Variants in WASF2 observed in about 807,000 individuals in gnomAD.
WASF2 encodes WASP family member 2.
WASF2 carries 14 observed loss-of-function variants against 45.0 expected under a neutral mutation model. The observed-to-expected ratio is 0.31, with a 90% confidence interval of 0.21 to 0.49. The LOEUF is 0.49. Among genes scored for constraint, WASF2 ranks in the 20% least tolerant of loss-of-function variants. WASF2 has a pLI of 0.99. For missense variants in WASF2, 439 were observed against 636.1 expected (o/e 0.69, Z 3.33); for synonymous variants, 200 against 236.3 (o/e 0.85, Z 1.41).
intron 1 of WASF2, among the ~76,000 whole-genome samples, chr1:27,489,217 TCTC>T (rs1216489260): frequency 2.0e-5 from 3 of 150,298 alleles, no homozygotes; most frequent in Non-Finnish European, 4.4e-5. Context: ...TTTAGACAAC[TCTC>T]CTCCTTACTC....
chr1:27,474,686 C>T (rs2017740789), intron 1 of WASF2, among the ~76,000 whole-genome samples: 2 of 151,612 alleles, frequency 1.3e-5, no homozygotes. Flanking sequence ...AGGAGAATCG[C>T]GCCTAAACCC....
chr1:27,435,009 C>T (rs1459213694), intron 1 of WASF2, among the ~76,000 whole-genome samples: 1 of 152,030 alleles, frequency 6.6e-6, no homozygotes, highest in East Asian at 1.9e-4. Context: ...TACAATGGCA[C>T]AATCTCGGCT....
chr1:27,409,341 C>T (rs1010838103), intron 8 of WASF2, among the ~76,000 whole-genome samples: 2 of 137,844 alleles, frequency 1.5e-5, no homozygotes, highest in Non-Finnish European at 3.1e-5. Flanking sequence ...AGGAGAATGG[C>T]GTGAACCCGG....
At chr1:27,454,595 C>T (rs1019640481) in intron 1 of WASF2, among the ~76,000 whole-genome samples, 1 of 152,138 alleles carries the variant, frequency 6.6e-6, no homozygotes, top group African/African-American at 2.4e-5. Context: ...GCCTTGGCCT[C>T]CCAAAAGGCT....
At chr1:27,439,845 TAA>T (rs1293866714) in intron 1 of WASF2, among the ~76,000 whole-genome samples, 1 of 151,672 alleles carries the variant, frequency 6.6e-6, no homozygotes, top group Non-Finnish European at 1.5e-5. Context: ...CAAAAAAAAT[TAA>T]AAGTTAGCCA....
At chr1:27,486,285 C>G (rs1224367685) in intron 1 of WASF2, among the ~76,000 whole-genome samples, 1 of 152,044 alleles carries the variant, frequency 6.6e-6, no homozygotes, top group Non-Finnish European at 1.5e-5. Flanking sequence ...TTCTAAAACC[C>G]CAAAATCCAA....
intron 1 of WASF2, among the ~76,000 whole-genome samples, chr1:27,465,893 A>G (rs2017606081): frequency 6.6e-6 from 1 of 152,238 alleles, no homozygotes; most frequent in African/African-American, 2.4e-5. Context: ...AGCAAGGAAC[A>G]CTATCAAAGA....
chr1:27,425,614 G>A (rs1448317817), intron 2 of WASF2, among the ~76,000 whole-genome samples: 3 of 152,126 alleles, frequency 2.0e-5, no homozygotes, highest in African/African-American at 4.8e-5. Flanking sequence ...CCAGGTGGGC[G>A]GATCACGAGG....
intron 1 of WASF2, among the ~76,000 whole-genome samples, chr1:27,486,789 C>T (rs560427808): frequency 3.3e-5 from 5 of 151,788 alleles, no homozygotes; most frequent in Admixed American, 6.6e-5. Context: ...CCAGGCGTGG[C>T]GGTGCATGCC....
chr1:27,477,000 C>T (rs2017774689), intron 1 of WASF2, among the ~76,000 whole-genome samples: 1 of 152,116 alleles, frequency 6.6e-6, no homozygotes, highest in Non-Finnish European at 1.5e-5. Context: ...TTTCAAAGTC[C>T]CTAGACTGTA....
intron 2 of WASF2, among the ~76,000 whole-genome samples, chr1:27,426,345 A>G (rs2016981253): frequency 6.6e-6 from 1 of 152,182 alleles, no homozygotes; most frequent in Non-Finnish European, 1.5e-5. Context: ...GAAAGAAGGT[A>G]GAGGGAGGCT....
At chr1:27,459,075 G>A (rs1030747228) in intron 1 of WASF2, among the ~76,000 whole-genome samples, 5 of 151,152 alleles carry the variant, frequency 3.3e-5, no homozygotes, top group African/African-American at 7.3e-5. Flanking sequence ...GCAGTGAGCC[G>A]AGATCACACC....
intron 1 of WASF2, among the ~76,000 whole-genome samples, chr1:27,463,120 G>T (rs117664980): frequency 1.3e-5 from 2 of 152,160 alleles, no homozygotes; most frequent in African/African-American, 4.8e-5. Flanking sequence ...ATGCCTGGCC[G>T]TTAGCTGCTT....
chr1:27,484,533 C>T (rs977110111), intron 1 of WASF2, among the ~76,000 whole-genome samples: 3 of 152,066 alleles, frequency 2.0e-5, no homozygotes, highest in Non-Finnish European at 4.4e-5. Flanking sequence ...CTAGGCCGGG[C>T]GCGGTGGTTC....
At chr1:27,466,698 C>T (rs2148134656) in intron 1 of WASF2, among the ~76,000 whole-genome samples, 1 of 151,768 alleles carries the variant, frequency 6.6e-6, no homozygotes, top group African/African-American at 2.4e-5. Context: ...TGAAGCCCGT[C>T]TCTACAAATA....
intron 1 of WASF2, among the ~76,000 whole-genome samples, chr1:27,456,658 A>G (rs1430664933): frequency 6.6e-6 from 1 of 152,116 alleles, no homozygotes; most frequent in African/African-American, 2.4e-5. Context: ...AAATAAATAC[A>G]TAATTTGGTC....
chr1:27,418,544 T>A, intron 3 of WASF2, 122 bp from the exon 4 acceptor site: 1 of 1,237,622 alleles, frequency 8.1e-7, no homozygotes, highest in Non-Finnish European at 1.1e-6. Context: ...GCAGCCAGGC[T>A]TTTTTTTTCC....
chr1:27,447,193 A>G (rs1453576449), intron 1 of WASF2, among the ~76,000 whole-genome samples: 1 of 152,224 alleles, frequency 6.6e-6, no homozygotes, highest in East Asian at 1.9e-4. Flanking sequence ...AAATAAAATT[A>G]TATTTACATT....
chr1:27,458,142 G>A lies in WASF2; in HGVS notation c.-43-29209C>T, dbSNP rs932370654. ...TTGGGTAACACAGCGAAACTCTGTCGCTACTAAAATACAAAAAAAAATTAG... is the reference window on the plus strand; with the variant it reads ...TTGGGTAACACAGCGAAACTCTGTCACTACTAAAATACAAAAAAAAATTAG... On this transcript the variant is annotated intron_variant, in intron 1 of 8. Coordinates refer to ENST00000618852, the MANE Select transcript of WASF2 (RefSeq NM_006990.5). 2.6e-5 allele frequency among the ~76,000 whole-genome samples: 4 copies of A among 151,168 alleles called. No homozygotes were observed. In the East Asian group the frequency reaches 5.8e-4, roughly 22 times the overall value.
Sources: gnomAD v4.1 joint callset for allele counts (sites outside exome capture counted in the v4.1 genomes callset) on GRCh38, gnomAD v4.1.1 for gene constraint, MANE v1.5 for transcripts, NCBI Gene and HGNC (gene_info 2026-07-23, HGNC 2026-07-21) for gene names.